Variants in CNST observed in about 807,000 individuals in gnomAD.
CNST encodes the protein consortin.
In CNST, 39 loss-of-function variants were observed where a neutral mutation model predicts 72.4. The observed-to-expected ratio is 0.54, with a 90% CI of 0.42 to 0.70. CNST has a LOEUF of 0.70. CNST is among the 30% of genes least tolerant of loss of function. CNST has a pLI of 0.00. For synonymous variants in CNST, 332 were observed against 320.1 expected, an observed-to-expected ratio of 1.04 and a Z score of -0.40; for missense variants, 871 against 868.5, an observed-to-expected ratio of 1.00 and a Z score of -0.04.
intron 2 of CNST, among the ~76,000 whole-genome samples, chr1:246,608,575 C>G (rs1011615616): frequency 6.6e-6 from 1 of 152,176 alleles, no homozygotes; most frequent in African/African-American, 2.4e-5. Context: ...ATTAGAAAGC[C>G]TGAAGCAGGC....
intron 1 of CNST, among the ~76,000 whole-genome samples, chr1:246,579,985 T>C (rs1660682011): frequency 6.6e-6 from 1 of 152,216 alleles, no homozygotes; most frequent in Non-Finnish European, 1.5e-5. Flanking sequence ...ATCAGAAAAC[T>C]GTATTTGCAC....
In CNST at chr1:246,569,475, T is replaced by C. The variant is rs566726226; in HGVS notation, c.-52+2812T>C. 3.9e-5 allele frequency among the ~76,000 whole-genome samples: 6 copies of C among 152,274 alleles called. 1 individual carries two copies. The South Asian group carries it at 1.2e-3, about 32-fold the overall frequency. On this transcript the variant is annotated intron_variant, in intron 1 of 10. Transcript: ENST00000366513. Reference sequence around the variant, plus strand: ...TTCCTACACTGAGAGTCTGATTCTGTGGGGTAAATTAAAAACTCCTCTTCC... The same window carrying C: ...TTCCTACACTGAGAGTCTGATTCTGCGGGGTAAATTAAAAACTCCTCTTCC...
intron 1 of CNST, among the ~76,000 whole-genome samples, chr1:246,585,666 T>TACACACACACAC (rs56730668): frequency 2.0e-5 from 2 of 101,592 alleles, no homozygotes; most frequent in Admixed American, 2.7e-4. Flanking sequence ...AAAAAAAATA[T>TACACACACACAC]ACACACACAC....
intron 6 of CNST, among the ~76,000 whole-genome samples, chr1:246,641,251 A>C (rs915161172): frequency 1.3e-5 from 2 of 152,200 alleles, no homozygotes; most frequent in Non-Finnish European, 1.5e-5. Flanking sequence ...GAATATTATG[A>C]ATAAAGTGGC....
chr1:246,601,523 G>C (rs1019331088), intron 2 of CNST, among the ~76,000 whole-genome samples: 1 of 152,214 alleles, frequency 6.6e-6, no homozygotes, highest in Admixed American at 6.5e-5. Flanking sequence ...GGCCTGGCAC[G>C]GTGGCTCACA....
chr1:246,647,857 A>C lies in CNST; in HGVS notation c.1656A>C (p.Leu552Phe). Reference protein sequence around the residue: ...KETEDYLNSLLEGCLKDTEDS... With the variant: ...KETEDYLNSLFEGCLKDTEDS... ...CAGAAGACTATTTGAACAGCCTTTT[A>C]GAAGGATGTTTAAAAGATACTGAAG... Residue 552 changes from leucine (L) to phenylalanine (F), a missense_variant, in exon 9 of 11, where the codon TTA becomes TTC. By Grantham distance (22) the Leu-to-Phe change is conservative. Coordinates refer to ENST00000366513, the MANE Select transcript of CNST (RefSeq NM_152609.3). The C allele has an allele frequency of 6.2e-7, 1 of 1,614,198 alleles. No individual in the cohort carries two copies. The highest frequency in any genetic ancestry group is 1.7e-5 in the Admixed American group (1 of 60,028).
chr1:246,578,975 T>TG (rs1363016013), intron 1 of CNST, among the ~76,000 whole-genome samples: 1 of 152,228 alleles, frequency 6.6e-6, no homozygotes, highest in East Asian at 1.9e-4. Context: ...ATAGGACTGT[T>TG]GTGAGGAATT....
At chr1:246,628,671 C>T (rs2103091198) in intron 3 of CNST, among the ~76,000 whole-genome samples, 1 of 152,286 alleles carries the variant, frequency 6.6e-6, no homozygotes, top group South Asian at 2.1e-4. Flanking sequence ...TTTGTAAGGG[C>T]ACTAATCCCA....
At chr1:246,628,071 A>G (rs1390614196) in intron 3 of CNST, among the ~76,000 whole-genome samples, 2 of 152,154 alleles carry the variant, frequency 1.3e-5, no homozygotes, top group East Asian at 3.8e-4. Flanking sequence ...GGAAACATCC[A>G]GCACGCGAGA....
At chr1:246,617,408 A>G (rs1333133628) in intron 2 of CNST, among the ~76,000 whole-genome samples, 1 of 152,208 alleles carries the variant, frequency 6.6e-6, no homozygotes, top group Admixed American at 6.5e-5. Flanking sequence ...TTTGTCCTCA[A>G]ATAAGATTGG....
rs748024794 is a variant in CNST, at chr1:246,645,300, G to GA, written c.938-1830dup. Among the ~76,000 whole-genome samples the GA allele has an allele frequency of 6.8e-4, 94 of 139,014 alleles. No homozygotes were observed. The South Asian group carries it at 8.7e-3, about 13-fold the overall frequency. 91.2% of individuals were successfully genotyped at this position (139,014 alleles called of 152,430 possible). On this transcript the variant is annotated intron_variant, in intron 8 of 10. Coordinates refer to ENST00000366513, the MANE Select transcript of CNST (RefSeq NM_152609.3). Reference sequence around the variant, plus strand: ...TTTGGAGTCCAGGGTGAAAAAGAAAGAAAAAAAAAGTATCAGTAAATAAAC... The same window carrying GA: ...TTTGGAGTCCAGGGTGAAAAAGAAAGAAAAAAAAAAGTATCAGTAAATAAAC...
intron 2 of CNST, chr1:246,607,642 G>A (rs1385934931): frequency 6.7e-6 from 1 of 149,976 alleles, no homozygotes; most frequent in African/African-American, 2.5e-5. Flanking sequence ...ACTGCTACGT[G>A]GTACCCGGAT....
At chr1:246,610,351 C>A (rs1663229284) in intron 2 of CNST, among the ~76,000 whole-genome samples, 1 of 152,174 alleles carries the variant, frequency 6.6e-6, no homozygotes, top group Admixed American at 6.6e-5. Flanking sequence ...TTGATATTCT[C>A]ATTTTTTCCT....
At chr1:246,646,147 G>T (rs1193888125) in intron 8 of CNST, among the ~76,000 whole-genome samples, 5 of 151,832 alleles carry the variant, frequency 3.3e-5, no homozygotes, top group African/African-American at 1.2e-4. Flanking sequence ...GGGCAAGGTG[G>T]CGGGCGCCTG....
intron 1 of CNST, among the ~76,000 whole-genome samples, chr1:246,567,634 C>T (rs550636033): frequency 6.6e-6 from 1 of 152,140 alleles, no homozygotes; most frequent in Admixed American, 6.6e-5. Context: ...GAAGCTCAAG[C>T]GGATAAAGAA....
intron 2 of CNST, among the ~76,000 whole-genome samples, chr1:246,601,616 G>A (rs762128579): frequency 2.0e-5 from 3 of 151,794 alleles, no homozygotes; most frequent in Non-Finnish European, 4.4e-5. Flanking sequence ...CCAACATGGA[G>A]AAACCCCATC....
At chr1:246,610,539 T>C (rs1014411619) in intron 2 of CNST, among the ~76,000 whole-genome samples, 1 of 152,152 alleles carries the variant, frequency 6.6e-6, no homozygotes, top group Non-Finnish European at 1.5e-5. Flanking sequence ...CTTGGTGATG[T>C]CTTTGTATTG....
rs1265333539 is a variant in CNST, at chr1:246,650,429, A to G, written c.1836+2392A>G. ...AGATTGTTAAACATTTGCTTTCTGA[A>G]TACTTACTACCCTCGCTATTCTGAA... On this transcript the variant is annotated intron_variant, in intron 9 of 10. Transcript: ENST00000366513. Among the ~76,000 whole-genome samples the G allele has an allele frequency of 2.6e-5, 4 of 152,208 alleles. No individual in the cohort carries two copies. In the East Asian group the frequency reaches 7.7e-4, roughly 29 times the overall value.
At chr1:246,604,892 C>A (rs910792557) in intron 2 of CNST, among the ~76,000 whole-genome samples, 2 of 152,166 alleles carry the variant, frequency 1.3e-5, no homozygotes, top group African/African-American at 4.8e-5. Flanking sequence ...TGGTCTCAGA[C>A]TCCTGACCTC....
Sources: allele counts gnomAD v4.1 joint callset (sites outside exome capture counted in the v4.1 genomes callset), GRCh38; gene constraint gnomAD v4.1.1; transcripts MANE v1.5; gene names NCBI Gene and HGNC (gene_info 2026-07-23, HGNC 2026-07-21).